The following RAPH1 variants were observed in gnomAD, a reference collection of about 807,000 sequenced individuals.
RAPH1 encodes ras-associated and pleckstrin homology domains-containing protein 1.
Under a neutral mutation model 88.1 loss-of-function variants are expected in RAPH1, and 18 were observed. That is an observed-to-expected ratio of 0.20 (90% CI 0.14 to 0.30). The LOEUF (loss-of-function observed/expected upper bound fraction) is 0.30, where lower values mean the gene tolerates loss of function less well. Ranked by LOEUF, RAPH1 falls within the 10% of genes least tolerant of loss-of-function variation. RAPH1 has a pLI of 1.00. For synonymous variants in RAPH1, 587 were observed against 559.0 expected, an observed-to-expected ratio of 1.05 and a Z score of -0.71; for missense variants, 1,448 against 1,543.2, an observed-to-expected ratio of 0.94 and a Z score of 1.03.
At chr2:203,473,303 C>T (rs1309469677) in intron 4 of RAPH1, among the ~76,000 whole-genome samples, 1 of 151,994 alleles carries the variant, frequency 6.6e-6, no homozygotes, top group Non-Finnish European at 1.5e-5. Context: ...AAAGTATCTT[C>T]TTCCAATTGG....
chr2:203,491,972 C>A (rs1419158845), intron 2 of RAPH1, among the ~76,000 whole-genome samples: 1 of 152,102 alleles, frequency 6.6e-6, no homozygotes, highest in African/African-American at 2.4e-5. Flanking sequence ...TGATGGCTCA[C>A]TTTGTAATCC....
At chr2:203,523,406 A>C (rs923294312) in intron 1 of RAPH1, among the ~76,000 whole-genome samples, 1 of 151,672 alleles carries the variant, frequency 6.6e-6, no homozygotes, top group Non-Finnish European at 1.5e-5. Context: ...AAAAAAAAAA[A>C]ACCACGTCAG....
chr2:203,454,593 A>G (rs867320340), intron 9 of RAPH1, 53 bp from the exon 10 acceptor site: 16 of 1,293,348 alleles, frequency 1.2e-5, no homozygotes, highest in Middle Eastern at 1.8e-4. Flanking sequence ...CAAACAAGCA[A>G]ATATACCTGG....
At chr2:203,485,690 C>T (rs1253648609) in intron 4 of RAPH1, among the ~76,000 whole-genome samples, 1 of 152,154 alleles carries the variant, frequency 6.6e-6, no homozygotes, top group Non-Finnish European at 1.5e-5. Context: ...CTACCTAGAG[C>T]AGTGGTGATT....
chr2:203,452,586 C>T (rs562950887), intron 10 of RAPH1, among the ~76,000 whole-genome samples: 2 of 152,222 alleles, frequency 1.3e-5, no homozygotes, highest in South Asian at 4.1e-4. Context: ...AGCTAGGACC[C>T]TAAGAGTATG....
intron 4 of RAPH1, among the ~76,000 whole-genome samples, chr2:203,462,913 C>T (rs924910928): frequency 1.6e-4 from 25 of 151,768 alleles, no homozygotes; most frequent in African/African-American, 5.8e-4. Flanking sequence ...AAAATAAAAA[C>T]TTTTTGGTTG....
chr2:203,435,090 A>AATGT lies in RAPH1; in HGVS notation c.*4343_*4346dup, dbSNP rs1222816711. On this transcript the variant is annotated 3_prime_UTR_variant, in exon 14 of 14. Coordinates refer to ENST00000319170, the MANE Select transcript of RAPH1 (RefSeq NM_213589.3). ...AAGCAAAGAGCAAACCAACTGGAGA[A>AATGT]ATGTATGTTTTTTCTTTTTATTTAT... The AATGT allele has an allele frequency of 6.6e-6, 1 of 152,622 alleles. No homozygotes were observed. The highest frequency in any genetic ancestry group is 3.2e-3 in the Middle Eastern group (1 of 316). The allele number at this position is 152,622 out of a possible 1,614,324, so 9.5% of individuals were successfully genotyped here. A position where few individuals can be genotyped will look rare whatever the true frequency, so the allele number is the denominator to read the frequency against.
At chr2:203,457,641 GA>G in intron 7 of RAPH1, 46 bp from the exon 8 acceptor site, 2 of 1,372,656 alleles carry the variant, frequency 1.5e-6, no homozygotes, top group Admixed American at 3.4e-5. Context: ...GAGAAAAAAA[GA>G]AGGTTAAAGC....
intron 4 of RAPH1, among the ~76,000 whole-genome samples, chr2:203,473,126 G>A (rs983457089): frequency 1.4e-4 from 21 of 152,130 alleles, no homozygotes; most frequent in African/African-American, 4.3e-4. Flanking sequence ...GTGGAAACCC[G>A]AGGCAGCAAA....
intron 5 of RAPH1, 108 bp from the exon 6 acceptor site, chr2:203,461,516 T>A: frequency 1.2e-6 from 1 of 820,454 alleles, no homozygotes; most frequent in Non-Finnish European, 1.8e-6. Flanking sequence ...GTATATAAAT[T>A]AAAACACAAA....
chr2:203,493,263 T>A (rs142934042), intron 2 of RAPH1, among the ~76,000 whole-genome samples: 2 of 152,166 alleles, frequency 1.3e-5, no homozygotes, highest in Non-Finnish European at 2.9e-5. Flanking sequence ...CAGGGGAAAG[T>A]ACAAGGTATC....
intron 1 of RAPH1, among the ~76,000 whole-genome samples, chr2:203,502,777 G>A (rs1438293925): frequency 3.4e-5 from 5 of 148,158 alleles, no homozygotes; most frequent in Admixed American, 6.8e-5. Context: ...CCGAGATCTC[G>A]CCACTGCACT....
intron 1 of RAPH1, among the ~76,000 whole-genome samples, chr2:203,500,456 G>A (rs1322685814): frequency 6.6e-6 from 1 of 152,136 alleles, no homozygotes; most frequent in Non-Finnish European, 1.5e-5. Flanking sequence ...AAAATCCTAA[G>A]CCATACCAAA....
At chr2:203,492,517 T>C (rs933774788) in intron 2 of RAPH1, among the ~76,000 whole-genome samples, 9 of 152,202 alleles carry the variant, frequency 5.9e-5, no homozygotes, top group African/African-American at 2.2e-4. Flanking sequence ...TGAATCATAC[T>C]GTATACTTTG....
At chr2:203,501,562 G>A (rs777523889) in intron 1 of RAPH1, among the ~76,000 whole-genome samples, 3 of 152,092 alleles carry the variant, frequency 2.0e-5, no homozygotes, top group Admixed American at 6.5e-5. Flanking sequence ...GAGCCCAGGA[G>A]TTTGAGACCT....
chr2:203,456,240 C>T (rs534545769), intron 8 of RAPH1, among the ~76,000 whole-genome samples: 280 of 152,192 alleles, frequency 1.8e-3, no homozygotes, highest in African/African-American at 6.6e-3. Context: ...AGTTAAATAC[C>T]TTTGCAAACA....
Position 203,489,763 on chromosome 2 carries a change from T to C in RAPH1, c.553A>G (p.Asn185Asp). The change falls in exon 4 of 14, where the codon AAT becomes GAT. Residue 185 changes from asparagine to aspartate, a missense_variant. This residue lies in a region of RAPH1 where 513 missense variants were observed against 653.1 expected (regional missense o/e 0.79). Coordinates refer to ENST00000319170, the MANE Select transcript of RAPH1 (RefSeq NM_213589.3). ...VLEDTKPLVTNQHRRTASAGT... is the reference protein window; with the variant it reads ...VLEDTKPLVTDQHRRTASAGT... Reference sequence around the variant, plus strand: ...GCTGACGCGGTTCTTCTGTGCTGATTAGTTACTAAGGGTTTAGTATCTTCT... The same window carrying C: ...GCTGACGCGGTTCTTCTGTGCTGATCAGTTACTAAGGGTTTAGTATCTTCT... 1 of 1,614,218 alleles carries C rather than the reference T, an allele frequency of 6.2e-7. No individual in the cohort carries two copies. The highest frequency in any genetic ancestry group is 8.5e-7 in the Non-Finnish European group (1 of 1,180,014).
chr2:203,514,721 A>AT, intron 1 of RAPH1, among the ~76,000 whole-genome samples: 1 of 151,754 alleles, frequency 6.6e-6, no homozygotes. Flanking sequence ...CGTGCAGCTA[A>AT]TTTTTTGTAT....
At chr2:203,506,046 T>C (rs1464554723) in intron 1 of RAPH1, among the ~76,000 whole-genome samples, 1 of 152,164 alleles carries the variant, frequency 6.6e-6, no homozygotes. Flanking sequence ...GAGGCAGCAG[T>C]ATTTTTCTTC....
Sources: allele counts gnomAD v4.1 joint callset (sites outside exome capture counted in the v4.1 genomes callset), GRCh38; gene constraint gnomAD v4.1.1; regional missense constraint gnomAD v4.1.1; transcripts MANE v1.5; gene names NCBI Gene and HGNC (gene_info 2026-07-23, HGNC 2026-07-21).